The following CNTN5 variants were observed in gnomAD, a reference collection of about 807,000 sequenced individuals.
The protein encoded by CNTN5 is contactin-5.
A neutral mutation model predicts 129.1 loss-of-function variants in CNTN5; 77 were observed. That is an observed-to-expected ratio of 0.60 (90% confidence interval 0.50 to 0.72). The LOEUF (loss-of-function observed/expected upper bound fraction) is 0.72, where lower values mean the gene tolerates loss of function less well. CNTN5 is among the 30% of genes least tolerant of loss of function. The pLI, the probability that CNTN5 is intolerant of heterozygous loss-of-function variation, is 0.00. For synonymous variants in CNTN5, 509 were observed against 465.6 expected (o/e 1.09, Z -1.20); for missense variants, 1,478 against 1,328.8 (o/e 1.11, Z -1.75).
chr11:99,331,342 T>C (rs984206069), intron 2 of CNTN5, among the ~76,000 whole-genome samples: 16 of 152,190 alleles, frequency 1.1e-4, no homozygotes, highest in Middle Eastern at 3.4e-3. Context: ...AAATAAGATC[T>C]CTCAGAATGC....
At chr11:99,148,022 G>T (rs1004249452) in intron 1 of CNTN5, among the ~76,000 whole-genome samples, 4 of 151,936 alleles carry the variant, frequency 2.6e-5, no homozygotes, top group African/African-American at 9.7e-5. Flanking sequence ...CAATAGTAGG[G>T]ATTTAATAGT....
At chr11:99,358,761 A>T (rs1938892849) in intron 2 of CNTN5, among the ~76,000 whole-genome samples, 1 of 152,268 alleles carries the variant, frequency 6.6e-6, no homozygotes, top group Middle Eastern at 3.4e-3. Flanking sequence ...GGCTACATAG[A>T]ACTTCAGACA....
intron 23 of CNTN5, among the ~76,000 whole-genome samples, chr11:100,345,040 A>C (rs1952248634): frequency 6.6e-6 from 1 of 152,140 alleles, no homozygotes; most frequent in Non-Finnish European, 1.5e-5. Context: ...AAACAGCAGA[A>C]TTTGACATTT....
chr11:99,641,450 T>G (rs1951767077), intron 3 of CNTN5, among the ~76,000 whole-genome samples: 1 of 152,178 alleles, frequency 6.6e-6, no homozygotes, highest in Non-Finnish European at 1.5e-5. Context: ...CAGGTAGAAG[T>G]TCTCACCTCT....
chr11:100,290,949 A>C (rs1326233203), intron 18 of CNTN5, among the ~76,000 whole-genome samples: 2 of 151,978 alleles, frequency 1.3e-5, no homozygotes, highest in Non-Finnish European at 2.9e-5. Flanking sequence ...TGGGCAAAGG[A>C]CATGAACAGA....
At chr11:99,980,283 T>G (rs1938250307) in intron 8 of CNTN5, among the ~76,000 whole-genome samples, 1 of 152,202 alleles carries the variant, frequency 6.6e-6, no homozygotes, top group Non-Finnish European at 1.5e-5. Flanking sequence ...ACTTCATAGA[T>G]TATATGTGAA....
chr11:100,292,763 GAA>G (rs1359990888), intron 18 of CNTN5, among the ~76,000 whole-genome samples: 2 of 151,954 alleles, frequency 1.3e-5, no homozygotes, highest in Non-Finnish European at 2.9e-5. Flanking sequence ...CAGGCAATGA[GAA>G]AGAGTCATAA....
Position 99,686,875 on chromosome 11 carries a change from A to G in CNTN5, c.55+130606A>G, listed in dbSNP as rs114025406. Among the ~76,000 whole-genome samples, 787 of 152,170 alleles carry G rather than the reference A, an allele frequency of 5.2e-3. 7 individuals carry two copies. The highest frequency in any genetic ancestry group is 0.017 in the African/African-American group (723 of 41,514). On this transcript the variant is annotated intron_variant, in intron 3 of 24. Coordinates refer to ENST00000524871, the MANE Select transcript of CNTN5 (RefSeq NM_014361.4). ...TTGGTATCCTGAGATGTGAACCTTTATTTTGCCAGCCAAATTCTTCCCAGG... is the reference window on the plus strand; with the variant it reads ...TTGGTATCCTGAGATGTGAACCTTTGTTTTGCCAGCCAAATTCTTCCCAGG...
intron 2 of CNTN5, among the ~76,000 whole-genome samples, chr11:99,327,279 A>G (rs868680960): frequency 1.3e-5 from 2 of 152,214 alleles, no homozygotes; most frequent in Admixed American, 1.3e-4. Context: ...ATTTGAATTT[A>G]TGCTAGACAC....
At chr11:99,983,883 G>A (rs1487681819) in intron 8 of CNTN5, among the ~76,000 whole-genome samples, 1 of 152,108 alleles carries the variant, frequency 6.6e-6, no homozygotes, top group African/African-American at 2.4e-5. Context: ...TTAGATAGGA[G>A]CATTCAGATT....
intron 9 of CNTN5, among the ~76,000 whole-genome samples, chr11:100,010,870 C>T (rs1337983050): frequency 6.6e-6 from 1 of 152,062 alleles, no homozygotes; most frequent in East Asian, 1.9e-4. Flanking sequence ...ACGTCAAATG[C>T]CCCTCCTCCA....
At chr11:99,512,624 T>C (rs546517703) in intron 2 of CNTN5, among the ~76,000 whole-genome samples, 1 of 152,294 alleles carries the variant, frequency 6.6e-6, no homozygotes, top group South Asian at 2.1e-4. Flanking sequence ...TTGTGTCATG[T>C]CAGTAATTCT....
intron 1 of CNTN5, among the ~76,000 whole-genome samples, chr11:99,201,351 T>TTCCCTTCCTTCCTTCCTTCCTTCCTTCC: frequency 1.1e-5 from 1 of 88,154 alleles, no homozygotes. Flanking sequence ...CTTCCTTTCC[T>TTCCCTTCCTTCCTTCCTTCCTTCCTTCC]TTCCTTCCTT....
At chr11:99,253,897 T>C (rs1591426649) in intron 1 of CNTN5, among the ~76,000 whole-genome samples, 1 of 139,050 alleles carries the variant, frequency 7.2e-6, no homozygotes, top group South Asian at 2.3e-4. Context: ...AAATATACGT[T>C]TATATATATA....
intron 3 of CNTN5, among the ~76,000 whole-genome samples, chr11:99,645,593 A>G (rs538080298): frequency 2.4e-4 from 37 of 152,244 alleles, no homozygotes; most frequent in Middle Eastern, 3.4e-3. Context: ...ATGTGGTAAT[A>G]TACACCATGG....
intron 3 of CNTN5, among the ~76,000 whole-genome samples, chr11:99,647,698 CT>C (rs1952016722): frequency 6.6e-6 from 1 of 150,976 alleles, no homozygotes; most frequent in South Asian, 2.1e-4. Context: ...TTTTGTGTGT[CT>C]TCTTTGATTT....
intron 1 of CNTN5, among the ~76,000 whole-genome samples, chr11:99,213,098 G>C (rs577556331): frequency 2.0e-5 from 3 of 151,610 alleles, no homozygotes; most frequent in Non-Finnish European, 4.4e-5. Context: ...AGTTGAGGCA[G>C]GAGAATTGCT....
intron 13 of CNTN5, among the ~76,000 whole-genome samples, chr11:100,156,466 T>C (rs566842649): frequency 6.6e-6 from 1 of 152,216 alleles, no homozygotes; most frequent in African/African-American, 2.4e-5. Context: ...AAATTATCTT[T>C]TTTTGTTGTG....
intron 2 of CNTN5, among the ~76,000 whole-genome samples, chr11:99,327,720 C>T (rs2136015514): frequency 6.6e-6 from 1 of 152,282 alleles, no homozygotes; most frequent in Non-Finnish European, 1.5e-5. Context: ...ATACTTGCAC[C>T]TAATCTGTCA....
Sources: allele counts gnomAD v4.1 joint callset (sites outside exome capture counted in the v4.1 genomes callset), GRCh38; gene constraint gnomAD v4.1.1; transcripts MANE v1.5; gene names NCBI Gene and HGNC (gene_info 2026-07-23, HGNC 2026-07-21).